The following THSD4 variants were observed in gnomAD, a reference collection of about 807,000 sequenced individuals.
THSD4 encodes thrombospondin type 1 domain containing 4, also known as thrombospondin type-1 domain-containing protein 4.
THSD4 carries 69 observed loss-of-function variants against 119.0 expected under a neutral mutation model. That is an observed-to-expected ratio of 0.58 (90% CI 0.48 to 0.71). THSD4 has a LOEUF of 0.71. Ranked by LOEUF, THSD4 falls within the 30% of genes least tolerant of loss-of-function variation. THSD4 has a pLI of 0.00. For synonymous variants in THSD4, 524 were observed against 540.4 expected (o/e 0.97, Z 0.42); for missense variants, 1,393 against 1,391.1 (o/e 1.00, Z -0.02).
chr15:71,409,104 G>A (rs2046647459), intron 6 of THSD4, among the ~76,000 whole-genome samples: 1 of 151,456 alleles, frequency 6.6e-6, no homozygotes, highest in Admixed American at 6.6e-5. Flanking sequence ...TTCCTTTCTT[G>A]TGGCCATTCG....
intron 11 of THSD4, 46 bp from the exon 12 acceptor site, chr15:71,745,060 T>G (rs539951471): frequency 1.9e-5 from 30 of 1,575,650 alleles, no homozygotes; most frequent in Admixed American, 7.0e-5. Context: ...TAGCCCAGCT[T>G]TCCAGTGTGT....
At chr15:71,406,259 G>T (rs1322352850) in intron 6 of THSD4, among the ~76,000 whole-genome samples, 2 of 152,106 alleles carry the variant, frequency 1.3e-5, no homozygotes, top group African/African-American at 4.8e-5. Flanking sequence ...ATTTATTAAA[G>T]TTTATTTTAT....
chr15:71,132,686 G>A (rs2040514377), intron 1 of THSD4, among the ~76,000 whole-genome samples: 3 of 152,150 alleles, frequency 2.0e-5, no homozygotes, highest in Admixed American at 2.0e-4. Context: ...ATACCTCATT[G>A]GGTGTGTTCC....
At chr15:71,615,569 TTCATCA>T (rs1013286194) in intron 7 of THSD4, among the ~76,000 whole-genome samples, 1 of 152,194 alleles carries the variant, frequency 6.6e-6, no homozygotes, top group African/African-American at 2.4e-5. Flanking sequence ...TCCCATTATC[TTCATCA>T]TCATCATCCT....
chr15:71,381,986 G>T (rs994521749), intron 6 of THSD4, among the ~76,000 whole-genome samples: 1 of 151,944 alleles, frequency 6.6e-6, no homozygotes, highest in African/African-American at 2.4e-5. Flanking sequence ...GTTAATTCAA[G>T]ATCAAAAAGA....
intron 3 of THSD4, among the ~76,000 whole-genome samples, chr15:71,195,815 T>C (rs1262144333): frequency 6.6e-6 from 1 of 152,106 alleles, no homozygotes; most frequent in African/African-American, 2.4e-5. Flanking sequence ...CTACCAATTA[T>C]TGAGCATTCC....
chr15:71,259,851 A>G (rs56663157), intron 6 of THSD4, among the ~76,000 whole-genome samples: 1,815 of 152,316 alleles, frequency 0.012, 42 homozygotes, highest in African/African-American at 0.042. Context: ...CAGAACAACA[A>G]TGCTTTCCAG....
intron 7 of THSD4, among the ~76,000 whole-genome samples, chr15:71,435,076 A>G (rs1482500179): frequency 6.6e-6 from 1 of 152,258 alleles, no homozygotes; most frequent in African/African-American, 2.4e-5. Context: ...AAAAGGATCA[A>G]TGACAAATGT....
intron 8 of THSD4, among the ~76,000 whole-genome samples, chr15:71,666,869 C>T (rs555053350): frequency 1.8e-4 from 28 of 152,322 alleles, no homozygotes; most frequent in African/African-American, 6.3e-4. Context: ...GACTCAGATT[C>T]TGAAGGCTTT....
At position 71,581,451 on chromosome 15, in the gene THSD4, G is replaced by A. The variant is rs139686142; in HGVS notation, c.1153-79079G>A. On this transcript the variant is annotated intron_variant, in intron 7 of 17. Coordinates refer to ENST00000261862, the MANE Select transcript of THSD4 (RefSeq NM_024817.3). ...TATTATATTCCTTATCAGGATATAT[G>A]TTTTGCAAATATTAGCTTCTATTCC... Among the ~76,000 whole-genome samples, 878 of 152,188 alleles carry A rather than the reference G, an allele frequency of 5.8e-3. 9 individuals carry two copies. Among genetic ancestry groups the A allele is most frequent in the African/African-American group, 0.017 (703 of 41,532 alleles).
intron 6 of THSD4, among the ~76,000 whole-genome samples, chr15:71,314,407 A>G (rs894791992): frequency 6.6e-6 from 1 of 152,054 alleles, no homozygotes; most frequent in Admixed American, 6.5e-5. Context: ...CCTGGGTCCA[A>G]GCGATTCTCC....
intron 14 of THSD4, among the ~76,000 whole-genome samples, chr15:71,751,028 G>C (rs1348589949): frequency 6.6e-6 from 1 of 152,160 alleles, no homozygotes; most frequent in Non-Finnish European, 1.5e-5. Flanking sequence ...TTCTTGTACA[G>C]CTCAAGGTGT....
intron 4 of THSD4, among the ~76,000 whole-genome samples, chr15:71,241,844 T>A (rs2044155820): frequency 6.6e-6 from 1 of 152,226 alleles, no homozygotes; most frequent in Admixed American, 6.5e-5. Flanking sequence ...CCAGGATGGC[T>A]TTGAATGCAG....
At chr15:71,306,913 A>G (rs895242931) in intron 6 of THSD4, among the ~76,000 whole-genome samples, 2 of 152,226 alleles carry the variant, frequency 1.3e-5, no homozygotes, top group Non-Finnish European at 2.9e-5. Context: ...AGTTTGAAGT[A>G]CAAGCATAAA....
rs559066548 is a variant in THSD4 at position 71,374,020 on chromosome 15, G to A, written c.1016-37667G>A. On this transcript the variant is annotated intron_variant, in intron 6 of 17. Coordinates refer to ENST00000261862, the MANE Select transcript of THSD4 (RefSeq NM_024817.3). The stretch of plus-strand genomic sequence containing the variant: ...TGGACTGAATTCAACTACAAAATAA[G>A]TCAAGAGGGTAGACCTGGAATGATA... Among the ~76,000 whole-genome samples, 6 of 152,318 alleles carry A rather than the reference G, an allele frequency of 3.9e-5. No homozygotes were observed. In the East Asian group the frequency reaches 1.2e-3, roughly 29 times the overall value.
intron 7 of THSD4, among the ~76,000 whole-genome samples, chr15:71,442,660 G>GTGTGTGTATGTATGTATGTATATATATA: frequency 1.5e-4 from 4 of 25,816 alleles, no homozygotes; most frequent in Non-Finnish European, 2.8e-4. Context: ...GTGTGTGTGT[G>GTGTGTGTATGTATGTATGTATATATATA]TATATATATA....
chr15:71,561,519 G>A (rs937175009), intron 7 of THSD4, among the ~76,000 whole-genome samples: 3 of 152,060 alleles, frequency 2.0e-5, no homozygotes, highest in African/African-American at 7.2e-5. Context: ...AAGAATGAGA[G>A]GGAATTAATA....
chr15:71,181,232 A>G lies in THSD4; in HGVS notation c.99+26300A>G, dbSNP rs16955232. 4.7e-3 allele frequency among the ~76,000 whole-genome samples: 714 copies of G among 152,328 alleles called. 5 individuals are homozygous for G. The highest frequency in any genetic ancestry group is 0.017 in the African/African-American group (698 of 41,568). On this transcript the variant is annotated intron_variant, in intron 3 of 17. Coordinates refer to ENST00000261862, the MANE Select transcript of THSD4 (RefSeq NM_024817.3). The stretch of plus-strand genomic sequence containing the variant: ...TATAACTGACTGCTGCTGAAAAATT[A>G]AGAGCATTTCTACTTATGAAAAAAA...
chr15:71,596,331 T>TCTC (rs780199099), intron 7 of THSD4, among the ~76,000 whole-genome samples: 2 of 152,262 alleles, frequency 1.3e-5, no homozygotes. Context: ...TTCTTCTTCT[T>TCTC]CTCCAAGTAC....
Sources: allele counts gnomAD v4.1 joint callset (sites outside exome capture counted in the v4.1 genomes callset), GRCh38; gene constraint gnomAD v4.1.1; transcripts MANE v1.5; gene names NCBI Gene and HGNC (gene_info 2026-07-23, HGNC 2026-07-21).